The following DLGAP2 variants were observed in gnomAD, a reference collection of about 807,000 sequenced individuals.
DLGAP2 encodes DLG associated protein 2, also known as disks large-associated protein 2.
In DLGAP2, 26 loss-of-function variants were observed where a neutral mutation model predicts 100.3. The ratio of observed to expected loss-of-function variants is 0.26; its 90% CI spans 0.19 to 0.36. DLGAP2 has a LOEUF of 0.36. Ranked by LOEUF, DLGAP2 falls within the 10% of genes least tolerant of loss-of-function variation. DLGAP2 has a pLI of 1.00. For synonymous variants in DLGAP2, 886 were observed against 630.1 expected (o/e 1.41, Z -6.08); for missense variants, 1,858 against 1,453.2 (o/e 1.28, Z -4.53).
At chr8:1,514,866 G>C (rs1042258723) in intron 4 of DLGAP2, among the ~76,000 whole-genome samples, 7 of 152,180 alleles carry the variant, frequency 4.6e-5, no homozygotes, top group African/African-American at 1.7e-4. Flanking sequence ...TGACAGAGCT[G>C]CATGGCAGGA....
chr8:1,193,699 T>C (rs573938917), intron 2 of DLGAP2, among the ~76,000 whole-genome samples: 91 of 152,274 alleles, frequency 6.0e-4, no homozygotes, highest in African/African-American at 2.1e-3. Context: ...CTCGCGTGGC[T>C]GGCCCTCTCT....
chr8:1,523,059 A>G lies in DLGAP2; in HGVS notation c.172+21628A>G, dbSNP rs185535950. Among the ~76,000 whole-genome samples, 37 of 152,312 alleles carry G rather than the reference A, an allele frequency of 2.4e-4. No homozygotes were observed. The East Asian group carries it at 7.1e-3, about 29-fold the overall frequency. On this transcript the variant is annotated intron_variant, in intron 4 of 14. Coordinates refer to ENST00000637795, the MANE Select transcript of DLGAP2 (RefSeq NM_001346810.2). Reference sequence around the variant, plus strand: ...TCAGAACCAGCAGCACTGGGGTCACACCCAGGCTGGGAACCTGCAGACGGC... The same window carrying G: ...TCAGAACCAGCAGCACTGGGGTCACGCCCAGGCTGGGAACCTGCAGACGGC...
At chr8:1,645,051 C>T (rs1427317305) in intron 8 of DLGAP2, among the ~76,000 whole-genome samples, 1 of 152,214 alleles carries the variant, frequency 6.6e-6, no homozygotes, top group East Asian at 1.9e-4. Flanking sequence ...GCTCTGATGG[C>T]ACCACAGCAC....
chr8:944,851 T>G (rs544134800), intron 2 of DLGAP2, among the ~76,000 whole-genome samples: 3 of 150,684 alleles, frequency 2.0e-5, no homozygotes, highest in African/African-American at 7.4e-5. Flanking sequence ...GATCCAGTGG[T>G]TGGTAACGAC....
At chr8:941,195 G>A (rs961299751) in intron 2 of DLGAP2, among the ~76,000 whole-genome samples, 1 of 152,130 alleles carries the variant, frequency 6.6e-6, no homozygotes, top group South Asian at 2.1e-4. Context: ...CTGGTCACCT[G>A]ATCTCAGCTG....
At chr8:1,115,404 G>A (rs1805086131) in intron 2 of DLGAP2, among the ~76,000 whole-genome samples, 1 of 152,124 alleles carries the variant, frequency 6.6e-6, no homozygotes, top group Admixed American at 6.5e-5. Context: ...GAATAGTTAG[G>A]CCTTCTTGTT....
intron 2 of DLGAP2, among the ~76,000 whole-genome samples, chr8:1,098,197 C>G (rs1804452869): frequency 6.6e-6 from 1 of 152,236 alleles, no homozygotes; most frequent in Non-Finnish European, 1.5e-5. Context: ...TCCCGGCGTC[C>G]TCTGCGTATG....
At chr8:862,835 A>T (rs1293394990) in intron 1 of DLGAP2, among the ~76,000 whole-genome samples, 1 of 152,154 alleles carries the variant, frequency 6.6e-6, no homozygotes, top group African/African-American at 2.4e-5. Context: ...CTGACATGGG[A>T]CTGTGGGAGG....
intron 2 of DLGAP2, among the ~76,000 whole-genome samples, chr8:979,222 G>A (rs1800260439): frequency 6.6e-6 from 1 of 152,144 alleles, no homozygotes; most frequent in Admixed American, 6.5e-5. Context: ...CTCTTCTGAT[G>A]GGATTATAAT....
chr8:1,080,556 G>A (rs1348918157), intron 2 of DLGAP2, among the ~76,000 whole-genome samples: 3 of 152,208 alleles, frequency 2.0e-5, no homozygotes, highest in African/African-American at 7.2e-5. Flanking sequence ...TCGCACGTCT[G>A]AAGTGGGGTG....
intron 4 of DLGAP2, among the ~76,000 whole-genome samples, chr8:1,515,354 A>G (rs1392775626): frequency 1.3e-5 from 2 of 152,214 alleles, no homozygotes; most frequent in Non-Finnish European, 2.9e-5. Flanking sequence ...CCCTTAAGAC[A>G]GACAGGGCAG....
chr8:1,587,496 T>C (rs1796156929), intron 6 of DLGAP2, among the ~76,000 whole-genome samples: 1 of 152,246 alleles, frequency 6.6e-6, no homozygotes, highest in South Asian at 2.1e-4. Flanking sequence ...TCTGAAAGTA[T>C]ATTTACTAAT....
chr8:817,012 G>A (rs1336388497), intron 1 of DLGAP2, among the ~76,000 whole-genome samples: 1 of 151,912 alleles, frequency 6.6e-6, no homozygotes, highest in East Asian at 1.9e-4. Flanking sequence ...GCGGTGGTGG[G>A]CGCCTGTAGT....
At chr8:1,409,709 G>A (rs1040099890) in intron 3 of DLGAP2, among the ~76,000 whole-genome samples, 1 of 152,106 alleles carries the variant, frequency 6.6e-6, no homozygotes, top group African/African-American at 2.4e-5. Flanking sequence ...CAGTGCAGGT[G>A]GGCCTCCCCC....
intron 2 of DLGAP2, among the ~76,000 whole-genome samples, chr8:1,012,695 C>T (rs943892054): frequency 7.2e-6 from 1 of 138,970 alleles, no homozygotes; most frequent in East Asian, 2.2e-4. Context: ...GACCAGTCCC[C>T]CCTACTTCAG....
Position 1,476,198 on chromosome 8 carries a change from G to A in DLGAP2, c.107-25168G>A, listed in dbSNP as rs534874107. Among the ~76,000 whole-genome samples the A allele has an allele frequency of 6.6e-5, 10 of 152,308 alleles. No homozygotes were observed. The East Asian group carries it at 1.3e-3, about 21-fold the overall frequency. On this transcript the variant is annotated intron_variant, in intron 3 of 14. Coordinates refer to ENST00000637795, the MANE Select transcript of DLGAP2 (RefSeq NM_001346810.2). Reference sequence around the variant, plus strand: ...TGAGCAAAGGTGCTTTCATGGATGCGTGGCTCGTCCTGGTACATCTCTTAG... The same window carrying A: ...TGAGCAAAGGTGCTTTCATGGATGCATGGCTCGTCCTGGTACATCTCTTAG...
chr8:1,286,461 C>G (rs1270916467), intron 3 of DLGAP2, among the ~76,000 whole-genome samples: 1 of 152,228 alleles, frequency 6.6e-6, no homozygotes, highest in South Asian at 2.1e-4. Context: ...CAGTTACCAT[C>G]TGTGGAAGAG....
intron 1 of DLGAP2, among the ~76,000 whole-genome samples, chr8:860,500 C>G (rs914177285): frequency 1.3e-5 from 2 of 152,132 alleles, no homozygotes; most frequent in African/African-American, 4.8e-5. Flanking sequence ...TCGCTGGGGC[C>G]GTAGAGAATG....
At chr8:876,342 T>A (rs766079085) in intron 1 of DLGAP2, among the ~76,000 whole-genome samples, 15 of 152,210 alleles carry the variant, frequency 9.9e-5, no homozygotes, top group Non-Finnish European at 1.9e-4. Flanking sequence ...TCTGAGTTTT[T>A]ATTTTTCTGG....
Sources: gnomAD v4.1 joint callset for allele counts (sites outside exome capture counted in the v4.1 genomes callset) on GRCh38, gnomAD v4.1.1 for gene constraint, MANE v1.5 for transcripts, NCBI Gene and HGNC (gene_info 2026-07-23, HGNC 2026-07-21) for gene names.